ALDH1A2: variants seen among roughly 807,000 people sequenced by gnomAD.
ALDH1A2 encodes retinal dehydrogenase 2.
A neutral mutation model predicts 60.3 loss-of-function variants in ALDH1A2; 27 were observed. That is an observed-to-expected ratio of 0.45 (90% CI 0.33 to 0.62). The LOEUF (loss-of-function observed/expected upper bound fraction) is 0.62, where lower values mean the gene tolerates loss of function less well. ALDH1A2 is among the 20% of genes least tolerant of loss of function. ALDH1A2 has a pLI of 0.02. For missense variants in ALDH1A2, 581 were observed against 643.8 expected, an observed-to-expected ratio of 0.90 and a Z score of 1.06; for synonymous variants, 289 against 232.4, an observed-to-expected ratio of 1.24 and a Z score of -2.21.
At chr15:57,968,554 C>T (rs974304286) in intron 7 of ALDH1A2, among the ~76,000 whole-genome samples, 2 of 152,240 alleles carry the variant, frequency 1.3e-5, no homozygotes, top group Non-Finnish European at 2.9e-5. Flanking sequence ...CTTATCCCTG[C>T]ACTCCAAGCT....
At chr15:58,019,531 T>C (rs766726859) in intron 1 of ALDH1A2, among the ~76,000 whole-genome samples, 14 of 152,204 alleles carry the variant, frequency 9.2e-5, no homozygotes, top group South Asian at 2.1e-4. Context: ...TTGGAAAATA[T>C]AGAAATGCTG....
intron 4 of ALDH1A2, among the ~76,000 whole-genome samples, chr15:58,002,224 T>C (rs1015797989): frequency 1.3e-5 from 2 of 151,824 alleles, no homozygotes; most frequent in Non-Finnish European, 2.9e-5. Context: ...TTTTACTGAG[T>C]ATGTGTGCAT....
intron 7 of ALDH1A2, among the ~76,000 whole-genome samples, chr15:57,976,014 A>C (rs1385672697): frequency 2.0e-5 from 3 of 152,198 alleles, no homozygotes; most frequent in Non-Finnish European, 4.4e-5. Context: ...TAAAGCTGTT[A>C]ATAAAGGTAC....
intron 1 of ALDH1A2, among the ~76,000 whole-genome samples, chr15:58,045,730 A>G (rs1201711049): frequency 6.6e-6 from 1 of 151,834 alleles, no homozygotes; most frequent in East Asian, 1.9e-4. Flanking sequence ...AACACCACAC[A>G]CCCGGACCTG....
At chr15:57,992,197 G>A (rs111532508) in intron 7 of ALDH1A2, among the ~76,000 whole-genome samples, 1 of 152,200 alleles carries the variant, frequency 6.6e-6, no homozygotes, top group African/African-American at 2.4e-5. Context: ...TGGCTGAGTA[G>A]TTGCAACAGA....
chr15:57,963,208 G>A (rs1893785089), intron 9 of ALDH1A2, among the ~76,000 whole-genome samples: 1 of 152,170 alleles, frequency 6.6e-6, no homozygotes, highest in Admixed American at 6.5e-5. Flanking sequence ...CTCCTTGACT[G>A]TGGCATCTGT....
At chr15:57,967,239 A>G (rs377408545) in intron 7 of ALDH1A2, among the ~76,000 whole-genome samples, 1 of 150,002 alleles carries the variant, frequency 6.7e-6, no homozygotes, top group Middle Eastern at 3.4e-3. Flanking sequence ...TTTATTTACT[A>G]TCTGAGCCTT....
intron 1 of ALDH1A2, among the ~76,000 whole-genome samples, chr15:58,047,189 T>C (rs1298240739): frequency 6.6e-6 from 1 of 152,056 alleles, no homozygotes; most frequent in Non-Finnish European, 1.5e-5. Flanking sequence ...CTATCCTCAG[T>C]GAATCTTTGA....
chr15:58,031,498 G>A (rs1379720587), intron 1 of ALDH1A2, among the ~76,000 whole-genome samples: 1 of 152,140 alleles, frequency 6.6e-6, no homozygotes, highest in African/African-American at 2.4e-5. Flanking sequence ...GGCAACAAAA[G>A]CCAACATAGA....
chr15:57,974,140 A>G (rs1163206421), intron 7 of ALDH1A2, among the ~76,000 whole-genome samples: 1 of 152,220 alleles, frequency 6.6e-6, no homozygotes, highest in East Asian at 1.9e-4. Context: ...AACAGAGAGT[A>G]CAGAAATAGA....
chr15:58,042,435 A>G (rs1399743219), intron 1 of ALDH1A2, among the ~76,000 whole-genome samples: 1 of 152,026 alleles, frequency 6.6e-6, no homozygotes, highest in African/African-American at 2.4e-5. Flanking sequence ...AGGAACAGTA[A>G]AATAGTAGAT....
chr15:57,965,910 G>T, intron 7 of ALDH1A2, 83 bp from the exon 8 acceptor site: 3 of 1,037,774 alleles, frequency 2.9e-6, no homozygotes, highest in Non-Finnish European at 4.5e-6. Context: ...GGGCATCAAT[G>T]GGATGCAACA....
intron 1 of ALDH1A2, among the ~76,000 whole-genome samples, chr15:58,059,664 T>G (rs1431190933): frequency 6.6e-6 from 1 of 152,196 alleles, no homozygotes; most frequent in Non-Finnish European, 1.5e-5. Context: ...CATGCTATAT[T>G]TTGGCACAAA....
At chr15:58,045,581 C>T (rs1370914107) in intron 1 of ALDH1A2, among the ~76,000 whole-genome samples, 36 of 152,054 alleles carry the variant, frequency 2.4e-4, no homozygotes, top group Non-Finnish European at 2.8e-4. Context: ...AGGATGAGTT[C>T]ATGTCCTTTG....
In ALDH1A2 at chr15:57,955,130, G is replaced by A. The variant is rs764262113; in HGVS notation, c.*67C>T. On this transcript the variant is annotated 3_prime_UTR_variant, in exon 13 of 13. Transcript: ENST00000249750. ...GCTCAACTTTGTATTCCTGAGAGCTGGGCCCTACAGAGAAAGCAGAGAGGG... is the reference window on the plus strand; with the variant it reads ...GCTCAACTTTGTATTCCTGAGAGCTAGGCCCTACAGAGAAAGCAGAGAGGG... 103 of 1,472,088 alleles carry A rather than the reference G, an allele frequency of 7.0e-5. No homozygotes were observed. The highest frequency in any genetic ancestry group is 1.0e-4 in the Admixed American group (6 of 59,814). The allele number at this position is 1,472,088 out of a possible 1,614,324, so 91.2% of individuals were successfully genotyped here.
chr15:57,981,327 C>CACACACACACACAG (rs1333117134), intron 7 of ALDH1A2, among the ~76,000 whole-genome samples: 8 of 144,334 alleles, frequency 5.5e-5, no homozygotes, highest in African/African-American at 2.0e-4. Flanking sequence ...CACACACACA[C>CACACACACACACAG]AGACACACAC....
chr15:58,002,784 A>C (rs1220684424), intron 4 of ALDH1A2, among the ~76,000 whole-genome samples: 2 of 151,950 alleles, frequency 1.3e-5, no homozygotes, highest in Admixed American at 1.3e-4. Context: ...TTGTAGACAG[A>C]ATTACCTTTC....
chr15:58,004,833 T>C (rs948730867), intron 4 of ALDH1A2, among the ~76,000 whole-genome samples: 2 of 148,182 alleles, frequency 1.3e-5, no homozygotes, highest in African/African-American at 5.0e-5. Flanking sequence ...ATTAAGGAGG[T>C]GAAAGATCTC....
At chr15:58,002,079 G>C (rs932519187) in intron 4 of ALDH1A2, among the ~76,000 whole-genome samples, 1 of 151,840 alleles carries the variant, frequency 6.6e-6, no homozygotes, top group African/African-American at 2.4e-5. Flanking sequence ...CCCAGTCAGA[G>C]GTAACTTTTC....
Sources: allele counts gnomAD v4.1 joint callset (sites outside exome capture counted in the v4.1 genomes callset), GRCh38; gene constraint gnomAD v4.1.1; transcripts MANE v1.5; gene names NCBI Gene and HGNC (gene_info 2026-07-23, HGNC 2026-07-21).